ZNF385D: variants seen among roughly 807,000 people sequenced by gnomAD.
ZNF385D encodes the protein zinc finger protein 385D.
A neutral mutation model predicts 35.8 loss-of-function variants in ZNF385D; 15 were observed. That is an observed-to-expected ratio of 0.42 (90% CI 0.28 to 0.64). The LOEUF is 0.64. Ranked by LOEUF, ZNF385D falls within the 30% of genes least tolerant of loss-of-function variation. The probability of loss-of-function intolerance (pLI) is 0.23; values close to 1 mark genes in which losing one functional copy is unlikely to be tolerated. For missense variants in ZNF385D, 474 were observed against 494.6 expected (o/e 0.96, Z 0.39); for synonymous variants, 212 against 186.8 (o/e 1.13, Z -1.10).
intron 3 of ZNF385D, among the ~76,000 whole-genome samples, chr3:21,892,727 C>G (rs1201951242): frequency 6.6e-6 from 1 of 152,098 alleles, no homozygotes; most frequent in Non-Finnish European, 1.5e-5. Context: ...ACTTCTTTTA[C>G]CTCAATTGGT....
chr3:22,008,338 C>T (rs1240218313), intron 3 of ZNF385D, among the ~76,000 whole-genome samples: 1 of 148,300 alleles, frequency 6.7e-6, no homozygotes, highest in Non-Finnish European at 1.5e-5. Flanking sequence ...TAAAGAATCA[C>T]TTTCATACAG....
intron 3 of ZNF385D, among the ~76,000 whole-genome samples, chr3:22,120,303 T>A (rs548681967): frequency 2.0e-5 from 3 of 150,888 alleles, no homozygotes; most frequent in African/African-American, 7.3e-5. Context: ...TCCTTTGGCC[T>A]CTTTCCTCAG....
At chr3:21,543,955 A>T (rs2062280675) in intron 3 of ZNF385D, among the ~76,000 whole-genome samples, 1 of 152,088 alleles carries the variant, frequency 6.6e-6, no homozygotes, top group Non-Finnish European at 1.5e-5. Context: ...ATGTTTTCCT[A>T]GCCCTGTTTC....
At position 22,336,909 on chromosome 3, in the gene ZNF385D, CAAAAA is replaced by C. The variant is rs59822476; in HGVS notation, c.106+35536_106+35540del. On this transcript the variant is annotated intron_variant, in intron 2 of 5. Transcript: ENST00000494108. The stretch of plus-strand genomic sequence containing the variant: ...AACCACTATGCAAACAGTGATTTTT[CAAAAA>C]AAAAAAAAAAAAAAAAAAAAAAACC... Among the ~76,000 whole-genome samples, 55 of 47,956 alleles carry C rather than the reference CAAAAA, an allele frequency of 1.1e-3. 1 individual carries two copies. Among genetic ancestry groups the C allele is most frequent in the South Asian group, 7.8e-3 (6 of 768 alleles). The allele number at this position is 47,956 out of a possible 152,430, so 31.5% of individuals were successfully genotyped here.
chr3:22,357,335 C>G (rs34612759), intron 2 of ZNF385D, among the ~76,000 whole-genome samples: 383 of 151,918 alleles, frequency 2.5e-3, no homozygotes, highest in Non-Finnish European at 4.5e-3. Context: ...CACAGACCCT[C>G]TACTACTTTT....
chr3:21,656,286 A>G (rs1213788939), intron 2 of ZNF385D, among the ~76,000 whole-genome samples: 1 of 151,966 alleles, frequency 6.6e-6, no homozygotes, highest in Non-Finnish European at 1.5e-5. Flanking sequence ...TAATAATACC[A>G]TAGACTGGGT....
chr3:21,978,397 TG>T (rs1367623575), intron 3 of ZNF385D: 4 of 152,252 alleles, frequency 2.6e-5, no homozygotes, highest in Non-Finnish European at 5.9e-5. Context: ...CTACGTGTTT[TG>T]CCTTTGCTTT....
chr3:22,191,061 A>G (rs1695986679), intron 2 of ZNF385D, among the ~76,000 whole-genome samples: 1 of 152,140 alleles, frequency 6.6e-6, no homozygotes. Context: ...TGGTGAATTA[A>G]GTTAAATACA....
chr3:22,129,151 C>T (rs1375579948), intron 3 of ZNF385D, among the ~76,000 whole-genome samples: 1 of 152,138 alleles, frequency 6.6e-6, no homozygotes, highest in African/African-American at 2.4e-5. Context: ...ATGGGAGAGT[C>T]TCTTGTTTTC....
chr3:21,723,940 A>G (rs2068647211), intron 1 of ZNF385D, among the ~76,000 whole-genome samples: 1 of 152,206 alleles, frequency 6.6e-6, no homozygotes, highest in Non-Finnish European at 1.5e-5. Context: ...CATCAGATTA[A>G]CAGTGGATCT....
intron 3 of ZNF385D, among the ~76,000 whole-genome samples, chr3:21,847,802 T>C: frequency 6.6e-6 from 1 of 152,058 alleles, no homozygotes; most frequent in Non-Finnish European, 1.5e-5. Context: ...TATCCTGACA[T>C]TTGGCAGCCA....
At chr3:22,351,735 C>T (rs1695925007) in intron 2 of ZNF385D, among the ~76,000 whole-genome samples, 1 of 152,088 alleles carries the variant, frequency 6.6e-6, no homozygotes, top group Non-Finnish European at 1.5e-5. Context: ...CTCATATCTT[C>T]AACACAGGCT....
chr3:21,888,322 T>TA (rs1698659825), intron 3 of ZNF385D, among the ~76,000 whole-genome samples: 1 of 151,944 alleles, frequency 6.6e-6, no homozygotes, highest in East Asian at 1.9e-4. Context: ...AGAGAGAAAG[T>TA]AAAAAAGTAA....
At chr3:21,818,756 A>C (rs1328540972) in intron 3 of ZNF385D, among the ~76,000 whole-genome samples, 1 of 152,072 alleles carries the variant, frequency 6.6e-6, no homozygotes, top group Non-Finnish European at 1.5e-5. Flanking sequence ...TAGGTAATGA[A>C]CATTCATTAT....
At chr3:22,208,783 A>T (rs1416725442) in intron 2 of ZNF385D, among the ~76,000 whole-genome samples, 1 of 151,878 alleles carries the variant, frequency 6.6e-6, no homozygotes, top group Non-Finnish European at 1.5e-5. Context: ...GTTATCAGCC[A>T]TGTGATGAGG....
At chr3:22,096,847 CTG>C (rs1055132334) in intron 3 of ZNF385D, among the ~76,000 whole-genome samples, 14 of 152,082 alleles carry the variant, frequency 9.2e-5, no homozygotes, top group Admixed American at 2.0e-4. Flanking sequence ...TTGAGAGAAA[CTG>C]TGCCTTTCCT....
chr3:22,248,194 C>T (rs568491477), intron 2 of ZNF385D, among the ~76,000 whole-genome samples: 23 of 152,278 alleles, frequency 1.5e-4, no homozygotes, highest in Non-Finnish European at 2.6e-4. Context: ...CAACCATTCA[C>T]TTTGCTAAGG....
At chr3:21,811,656 A>G (rs1024082214) in intron 3 of ZNF385D, among the ~76,000 whole-genome samples, 2 of 152,206 alleles carry the variant, frequency 1.3e-5, no homozygotes, top group African/African-American at 2.4e-5. Flanking sequence ...CCTATACTGT[A>G]TAAACTGTAT....
chr3:21,954,738 T>G (rs1219671166), intron 3 of ZNF385D, among the ~76,000 whole-genome samples: 2 of 152,178 alleles, frequency 1.3e-5, no homozygotes, highest in Non-Finnish European at 2.9e-5. Flanking sequence ...TCCATGTTCC[T>G]GTTGGACTCA....
Sources: gnomAD v4.1 joint callset for allele counts (sites outside exome capture counted in the v4.1 genomes callset) on GRCh38, gnomAD v4.1.1 for gene constraint, MANE v1.5 for transcripts, NCBI Gene and HGNC (gene_info 2026-07-23, HGNC 2026-07-21) for gene names.